Variants in ATG16L2 observed in about 807,000 individuals in gnomAD.
The protein encoded by ATG16L2 is autophagy related 16 like 2.
ATG16L2 carries 77 observed loss-of-function variants against 84.7 expected under a neutral mutation model. The ratio of observed to expected loss-of-function variants is 0.91; its 90% CI spans 0.76 to 1.10. The LOEUF (loss-of-function observed/expected upper bound fraction) is 1.10. ATG16L2 is among the 50% of genes least tolerant of loss of function. ATG16L2 has a pLI of 0.00. For missense variants in ATG16L2, 782 were observed against 817.6 expected (o/e 0.96, Z 0.53); for synonymous variants, 361 against 342.8 (o/e 1.05, Z -0.59).
chr11:72,828,287 G>C (rs1318628067), intron 14 of ATG16L2, 72 bp from the exon 15 acceptor site: 1 of 1,567,288 alleles, frequency 6.4e-7, no homozygotes, highest in Admixed American at 1.7e-5. Flanking sequence ...AGGCTGCTGC[G>C]CCTGGCCCCT....
At chr11:72,826,340 C>A (rs574265065) in intron 11 of ATG16L2, 97 bp downstream of exon 11, 531 of 1,451,814 alleles carry the variant, frequency 3.7e-4, no homozygotes, top group Non-Finnish European at 4.7e-4. Context: ...AACATGGATA[C>A]CCTAGAACCA....
At position 72,828,737 on chromosome 11, in the gene ATG16L2, G is replaced by C. The variant is rs374760952; in HGVS notation, c.1631G>C (p.Gly544Ala). The C allele has an allele frequency of 6.2e-7, 1 of 1,614,054 alleles. No homozygotes were observed. Residue 544 changes from glycine (G) to alanine (A), a missense_variant, in exon 16 of 18, where the codon GGC becomes GCC. By Grantham distance (60) the Gly-to-Ala change is moderately conservative. Coordinates refer to ENST00000321297, the MANE Select transcript of ATG16L2 (RefSeq NM_033388.2). ...GCCCTGTCTGTCCTCAGGGCCGATG[G>C]CTTCAAGTGTGGTTCTGACTGGACC... ...SNIRQVFRAD[G>A]FKCGSDWTKA...
intron 5 of ATG16L2, chr11:72,838,899 T>C (rs758900995): frequency 5.7e-6 from 9 of 1,588,260 alleles, no homozygotes; most frequent in Non-Finnish European, 7.7e-6. Context: ...ATTACGTAGT[T>C]TGTCAGTCAG....
intron 8 of ATG16L2, chr11:72,824,417 C>T: frequency 1.8e-6 from 1 of 565,048 alleles, no homozygotes; most frequent in African/African-American, 1.9e-5. Context: ...GAAAAATGCT[C>T]TGAAATGTCA....
rs771693765 is a variant in ATG16L2, at chr11:72,842,833, C to T, written c.*238C>T. The T allele has an allele frequency of 4.3e-6, 7 of 1,613,278 alleles. No homozygotes were observed. Among genetic ancestry groups the T allele is most frequent in the African/African-American group, 1.3e-5 (1 of 74,852 alleles). ...CCCTCATAATCATAAAGTGCTTTCACAAAACATACTAGGGAGCAAGAGAAA... is the reference window on the plus strand; with the variant it reads ...CCCTCATAATCATAAAGTGCTTTCATAAAACATACTAGGGAGCAAGAGAAA... On this transcript the variant is annotated 3_prime_UTR_variant, in exon 6 of 6. Coordinates refer to the ATG16L2 transcript ENST00000534905.
At chr11:72,824,216 T>A in intron 8 of ATG16L2, 94 bp downstream of exon 8, 1 of 1,459,434 alleles carries the variant, frequency 6.9e-7, no homozygotes, top group Non-Finnish European at 9.6e-7. Flanking sequence ...TGTCCATCCC[T>A]GTGATGTGCA....
intron 3 of ATG16L2, chr11:72,819,003 C>T (rs535478599): frequency 6.6e-6 from 1 of 152,306 alleles, no homozygotes; most frequent in Admixed American, 6.5e-5. Context: ...ACCCCCACAC[C>T]ACCCCCAGCC....
In ATG16L2 at chr11:72,822,477, G is replaced by T; in HGVS notation, c.645-1G>T. Reference sequence around the variant, plus strand: ...TCTCAGGATGCTTTTTACCCAACAAGGGCCAAGCAGGCGCGGGTGTCCCAG... The same window carrying T: ...TCTCAGGATGCTTTTTACCCAACAATGGCCAAGCAGGCGCGGGTGTCCCAG... On this transcript the variant is annotated splice_acceptor_variant, in intron 5 of 17. Transcript: ENST00000321297. LOFTEE classifies it high-confidence loss of function. This position sits in a 1 kb window ranked among gnomAD's most constrained non-coding sequence, Gnocchi z 4.2. 1 of 1,613,176 alleles carries T rather than the reference G, an allele frequency of 6.2e-7. No individual in the cohort carries two copies. The highest frequency in any genetic ancestry group is 1.3e-5 in the African/African-American group (1 of 74,966).
intron 8 of ATG16L2, 84 bp from the exon 9 acceptor site, chr11:72,824,649 TG>T: frequency 1.0e-6 from 1 of 966,392 alleles, no homozygotes; most frequent in Non-Finnish European, 1.7e-6. Context: ...CTGCTTCCTA[TG>T]GTTGATGCCT....
intron 5 of ATG16L2, chr11:72,841,713 TTAGA>T: frequency 1.0e-6 from 1 of 955,878 alleles, no homozygotes; most frequent in Non-Finnish European, 1.5e-6. Flanking sequence ...GTCAACCTCA[TTAGA>T]GGCAACTGAG....
chr11:72,830,774 C>T (rs975856693), downstream of ATG16L2, among the ~76,000 whole-genome samples: 1 of 114,192 alleles, frequency 8.8e-6, no homozygotes, highest in African/African-American at 3.5e-5. Flanking sequence ...TCAGCTTCAT[C>T]TTCATTTCCT....
chr11:72,815,298 C>T lies in ATG16L2; in HGVS notation c.118+735C>T, dbSNP rs879644404. Among the ~76,000 whole-genome samples the T allele has an allele frequency of 4.6e-5, 7 of 152,330 alleles. No homozygotes were observed. In the East Asian group the frequency reaches 1.3e-3, roughly 29 times the overall value. On this transcript the variant is annotated intron_variant, in intron 1 of 17. Transcript: ENST00000321297. ...GTTGGAAGTCTAACCACAATCCCTG[C>T]GGCTCTCTCACTGGGGCTAATCTTG...
chr11:72,832,729 G>A (rs113984858), downstream of ATG16L2, among the ~76,000 whole-genome samples: 5 of 152,266 alleles, frequency 3.3e-5, no homozygotes, highest in African/African-American at 1.2e-4. Flanking sequence ...CAGCTCCTTC[G>A]GGTCACAGAG....
intron 10 of ATG16L2, 99 bp from the exon 11 acceptor site, chr11:72,826,074 G>T: frequency 1.0e-6 from 1 of 962,936 alleles, no homozygotes; most frequent in South Asian, 1.5e-5. Flanking sequence ...GATGTGTCGG[G>T]GGGTGGGGCG....
intron 5 of ATG16L2, chr11:72,838,595 A>G: frequency 1.7e-6 from 1 of 595,072 alleles, no homozygotes; most frequent in Non-Finnish European, 3.0e-6. Flanking sequence ...ATGACATAGA[A>G]AATGACAACA....
At chr11:72,827,760 G>A (rs1300254514) in intron 14 of ATG16L2, among the ~76,000 whole-genome samples, 2 of 152,092 alleles carry the variant, frequency 1.3e-5, no homozygotes, top group African/African-American at 4.8e-5. Context: ...CCAACATGGC[G>A]AAACCCTGTC....
At position 72,829,617 on chromosome 11, in the gene ATG16L2, GA is replaced by G. The variant is rs1860560120; in HGVS notation, c.*234del. 1.5e-6 allele frequency: 2 copies of G among 1,347,664 alleles called. No individual in the cohort carries two copies. The highest frequency in any genetic ancestry group is 1.9e-6 in the Non-Finnish European group (2 of 1,048,712). 83.5% of individuals were successfully genotyped at this position (1,347,664 alleles called of 1,614,324 possible). A position where few individuals can be genotyped will look rare whatever the true frequency, so the allele number is the denominator to read the frequency against. The stretch of plus-strand genomic sequence containing the variant: ...TCTCCTCACTTTTTCTCCCAAAGTA[GA>G]AAAAAATGATATCTGAACTGCGTCT... On this transcript the variant is annotated 3_prime_UTR_variant, in exon 18 of 18. Coordinates refer to ENST00000321297, the MANE Select transcript of ATG16L2 (RefSeq NM_033388.2).
chr11:72,822,557 T>TCC lies in ATG16L2; in HGVS notation c.710+14_710+15insCC. The TCC allele has an allele frequency of 6.2e-7, 1 of 1,611,610 alleles. No individual in the cohort carries two copies. Among genetic ancestry groups the TCC allele is most frequent in the South Asian group, 1.1e-5 (1 of 90,916 alleles). ...GAGCATCAGCGAGTAAGAGTGGGGA[T>TCC]GGGCCGGTCCGACCCTTGCGTTCTG... On this transcript the variant is annotated intron_variant, in intron 6 of 17. Transcript: ENST00000321297. The surrounding 1 kb of genome is among the most constrained non-coding windows in gnomAD (Gnocchi z 4.2).
chr11:72,828,707 C>T, intron 15 of ATG16L2, 22 bp from the exon 16 acceptor site: 1 of 1,614,052 alleles, frequency 6.2e-7, no homozygotes, highest in Non-Finnish European at 8.5e-7. Flanking sequence ...TCTGTTCTGA[C>T]CCCAGCCCTG....
Sources: allele counts gnomAD v4.1 joint callset (sites outside exome capture counted in the v4.1 genomes callset), GRCh38; gene constraint gnomAD v4.1.1; non-coding constraint Gnocchi (gnomAD v3.1); transcripts MANE v1.5; gene names NCBI Gene and HGNC (gene_info 2026-07-23, HGNC 2026-07-21).